The following PRKN variants were observed in gnomAD, a reference collection of about 807,000 sequenced individuals.
The protein encoded by PRKN is parkin RBR E3 ubiquitin protein ligase.
Under a neutral mutation model 59.5 loss-of-function variants are expected in PRKN, and 56 were observed. The ratio of observed to expected loss-of-function variants is 0.94; its 90% CI spans 0.76 to 1.18. PRKN has a LOEUF of 1.18. PRKN is among the 50% of genes most tolerant of loss of function. The probability of loss-of-function intolerance (pLI) is 0.00; values close to 1 mark genes in which losing one functional copy is unlikely to be tolerated. For synonymous variants in PRKN, 250 were observed against 222.1 expected (o/e 1.13, Z -1.12); for missense variants, 657 against 596.4 (o/e 1.10, Z -1.06).
chr6:161,747,913 C>T (rs1788500366), intron 7 of PRKN, among the ~76,000 whole-genome samples: 1 of 152,098 alleles, frequency 6.6e-6, no homozygotes, highest in African/African-American at 2.4e-5. Flanking sequence ...TGAACATCGC[C>T]ATCTTTAACT....
rs754079668 is a variant in PRKN, at chr6:161,630,069, CATA to C, written c.872-60656_872-60654del. Among the ~76,000 whole-genome samples, 25 of 152,304 alleles carry C rather than the reference CATA, an allele frequency of 1.6e-4. 1 individual carries two copies. Among genetic ancestry groups the C allele is most frequent in the African/African-American group, 2.2e-4 (9 of 41,558 alleles). ...CATTGTGCTTACACACCCACGGTAT[CATA>C]ATAACAGAAGCCTTTTCAATTTTCA... is the stretch of plus-strand genomic sequence containing the variant. On this transcript the variant is annotated intron_variant, in intron 7 of 11. Transcript: ENST00000366898.
At chr6:161,455,132 G>A (rs1418339460) in intron 9 of PRKN, among the ~76,000 whole-genome samples, 2 of 150,712 alleles carry the variant, frequency 1.3e-5, no homozygotes, top group African/African-American at 2.4e-5. Flanking sequence ...TCTGCCCCCC[G>A]GGTTCAAGCA....
intron 7 of PRKN, among the ~76,000 whole-genome samples, chr6:161,640,659 G>A (rs1450309438): frequency 3.3e-5 from 5 of 151,968 alleles, no homozygotes; most frequent in African/African-American, 4.8e-5. Context: ...ACTCAGCCAC[G>A]GCCTTTACCA....
chr6:161,960,837 A>C (rs1780351323), intron 6 of PRKN, among the ~76,000 whole-genome samples: 1 of 152,198 alleles, frequency 6.6e-6, no homozygotes, highest in African/African-American at 2.4e-5. Flanking sequence ...TTCCAATTGC[A>C]GTTTAGGAAC....
At chr6:161,616,604 C>T (rs1198514609) in intron 7 of PRKN, among the ~76,000 whole-genome samples, 2 of 151,990 alleles carry the variant, frequency 1.3e-5, no homozygotes, top group Non-Finnish European at 2.9e-5. Context: ...ATGTTCCCCT[C>T]CCTGTATCCA....
intron 7 of PRKN, among the ~76,000 whole-genome samples, chr6:161,655,636 C>T (rs142804159): frequency 1.0e-3 from 156 of 152,240 alleles, no homozygotes; most frequent in African/African-American, 3.6e-3. Flanking sequence ...TCCACAATAA[C>T]GACAATACTG....
At chr6:162,359,756 G>C (rs1357607794) in intron 2 of PRKN, among the ~76,000 whole-genome samples, 1 of 152,000 alleles carries the variant, frequency 6.6e-6, no homozygotes, top group Non-Finnish European at 1.5e-5. Context: ...TTATTATATA[G>C]AGAATAGACG....
At chr6:162,361,747 C>T (rs528518341) in intron 2 of PRKN, among the ~76,000 whole-genome samples, 1 of 152,284 alleles carries the variant, frequency 6.6e-6, no homozygotes, top group Admixed American at 6.5e-5. Context: ...CAAATTAAGT[C>T]TAAGTTTTTC....
At chr6:161,629,630 A>G (rs1783222059) in intron 7 of PRKN, among the ~76,000 whole-genome samples, 1 of 152,078 alleles carries the variant, frequency 6.6e-6, no homozygotes, top group African/African-American at 2.4e-5. Context: ...CTGGCCCTGA[A>G]CCACGGACGC....
intron 10 of PRKN, among the ~76,000 whole-genome samples, chr6:161,384,275 G>C (rs187777423): frequency 3.3e-5 from 5 of 152,302 alleles, no homozygotes; most frequent in Admixed American, 3.3e-4. Flanking sequence ...AATGTCTCAT[G>C]GGGCGCAGTG....
intron 2 of PRKN, among the ~76,000 whole-genome samples, chr6:162,379,611 C>T (rs1786316227): frequency 6.6e-6 from 1 of 152,164 alleles, no homozygotes; most frequent in Non-Finnish European, 1.5e-5. Context: ...AACTGAGCCT[C>T]AATGCCTTTC....
intron 4 of PRKN, among the ~76,000 whole-genome samples, chr6:162,123,424 T>C (rs1391151581): frequency 6.6e-6 from 1 of 152,230 alleles, no homozygotes; most frequent in African/African-American, 2.4e-5. Flanking sequence ...ATCAGTTATA[T>C]GAATACAGTG....
Position 161,560,345 on chromosome 6 carries a change from G to A in PRKN, c.933+9010C>T, listed in dbSNP as rs1387907243. Among the ~76,000 whole-genome samples, 1 of 152,116 alleles carries A rather than the reference G, an allele frequency of 6.6e-6. No individual in the cohort carries two copies. The highest frequency in any genetic ancestry group is 1.5e-5 in the Non-Finnish European group (1 of 68,034). ...ATCTTTCAAGGCCAGAGGTGAAGAT[G>A]GTTGTCCCTTGGCTCCTTAACGACG... On this transcript the variant is annotated intron_variant, in intron 8 of 11. Transcript: ENST00000366898. This position sits in a 1 kb window ranked among gnomAD's most constrained non-coding sequence, Gnocchi z 4.9.
At position 161,573,757 on chromosome 6, in the gene PRKN, TATATATA is replaced by T. The variant is rs1309471483; in HGVS notation, c.872-4348_872-4342del. Among the ~76,000 whole-genome samples, 199 of 44,940 alleles carry T rather than the reference TATATATA, an allele frequency of 4.4e-3. 9 individuals carry two copies. The highest frequency in any genetic ancestry group is 6.2e-3 in the Non-Finnish European group (161 of 25,840). 29.5% of individuals were successfully genotyped at this position (44,940 alleles called of 152,430 possible). A position where few individuals can be genotyped will look rare whatever the true frequency, so the allele number is the denominator to read the frequency against. On this transcript the variant is annotated intron_variant, in intron 7 of 11. Coordinates refer to ENST00000366898, the MANE Select transcript of PRKN (RefSeq NM_004562.3). ...AAAAAAAAAAAAAAAAAAAAAAAAATATATATATATATATATATATATATATATATAT... is the reference window on the plus strand; with the variant it reads ...AAAAAAAAAAAAAAAAAAAAAAAAATTATATATATATATATATATATATAT...
At chr6:161,599,998 C>A (rs2128143192) in intron 7 of PRKN, among the ~76,000 whole-genome samples, 1 of 152,220 alleles carries the variant, frequency 6.6e-6, no homozygotes, top group East Asian at 1.9e-4. Flanking sequence ...GTGAAAACAC[C>A]ATGTTTGTTT....
chr6:162,515,706 T>G (rs1174015493), intron 1 of PRKN, among the ~76,000 whole-genome samples: 2 of 152,162 alleles, frequency 1.3e-5, no homozygotes, highest in Non-Finnish European at 2.9e-5. Context: ...TGAATCAGCT[T>G]TCTCTTCCTA....
At chr6:162,211,517 T>G (rs1785195927) in intron 3 of PRKN, among the ~76,000 whole-genome samples, 1 of 152,188 alleles carries the variant, frequency 6.6e-6, no homozygotes, top group African/African-American at 2.4e-5. Flanking sequence ...TAAAAAATAA[T>G]TTAAAATTTT....
intron 1 of PRKN, among the ~76,000 whole-genome samples, chr6:162,519,801 G>A (rs578255338): frequency 1.3e-5 from 2 of 152,192 alleles, no homozygotes; most frequent in East Asian, 3.9e-4. Context: ...GAGATCCTAT[G>A]TTTTAAAGGA....
chr6:161,906,705 C>A (rs1466228641), intron 6 of PRKN, among the ~76,000 whole-genome samples: 3 of 120,904 alleles, frequency 2.5e-5, no homozygotes, highest in African/African-American at 1.0e-4. Flanking sequence ...GTAGTATTGA[C>A]TCACAAGATC....
Sources: allele counts gnomAD v4.1 joint callset (sites outside exome capture counted in the v4.1 genomes callset), GRCh38; gene constraint gnomAD v4.1.1; non-coding constraint Gnocchi (gnomAD v3.1); transcripts MANE v1.5; gene names NCBI Gene and HGNC (gene_info 2026-07-23, HGNC 2026-07-21).